TEX36: variants seen among roughly 807,000 people sequenced by gnomAD.
TEX36 encodes testis expressed 36.
In TEX36, 12 loss-of-function variants were observed where a neutral mutation model predicts 13.6. That is an observed-to-expected ratio of 0.88 (90% CI 0.56 to 1.43). The LOEUF is 1.43. TEX36 is among the 40% of genes most tolerant of loss of function. TEX36 has a pLI of 0.00. For synonymous variants in TEX36, 93 were observed against 83.0 expected (o/e 1.12, Z -0.65); for missense variants, 224 against 228.3 (o/e 0.98, Z 0.12).
chr10:125,604,496 T>C (rs1312260022), intron 3 of TEX36, among the ~76,000 whole-genome samples: 1 of 150,292 alleles, frequency 6.7e-6, no homozygotes, highest in Admixed American at 6.6e-5. Flanking sequence ...GGCAACATCA[T>C]GAGACCCCTG....
chr10:125,591,056 G>A (rs1846016128), intron 3 of TEX36, among the ~76,000 whole-genome samples: 1 of 152,202 alleles, frequency 6.6e-6, no homozygotes, highest in Non-Finnish European at 1.5e-5. Flanking sequence ...GCACAGCCCA[G>A]TGATGAGGGT....
chr10:125,607,530 T>A (rs1846228965), intron 3 of TEX36, among the ~76,000 whole-genome samples: 1 of 152,156 alleles, frequency 6.6e-6, no homozygotes, highest in South Asian at 2.1e-4. Flanking sequence ...TGAGCAATGA[T>A]CCCAAGAGAA....
intron 3 of TEX36, chr10:125,576,988 AC>A: frequency 7.4e-7 from 1 of 1,360,324 alleles, no homozygotes; most frequent in Non-Finnish European, 1.0e-6. Context: ...CTTTAAAAAC[AC>A]CCCAGAGAAG....
At chr10:125,601,528 C>T (rs528621163) in intron 3 of TEX36, among the ~76,000 whole-genome samples, 2 of 152,362 alleles carry the variant, frequency 1.3e-5, no homozygotes, top group South Asian at 4.1e-4. Flanking sequence ...TAGACATTAG[C>T]TGTAGCATGT....
At position 125,595,537 on chromosome 10, in the gene TEX36, T is replaced by C. The variant is rs551665381; in HGVS notation, c.265-18663A>G. Among the ~76,000 whole-genome samples, 138 of 152,282 alleles carry C rather than the reference T, an allele frequency of 9.1e-4. 1 individual carries two copies. Among genetic ancestry groups the C allele is most frequent in the Middle Eastern group, 6.8e-3 (2 of 294 alleles). Reference sequence around the variant, plus strand: ...CATCACCGACCTGCTCAGTAGCCCCTCCTGCTCAATATGTGCTGCCTTCCC... The same window carrying C: ...CATCACCGACCTGCTCAGTAGCCCCCCCTGCTCAATATGTGCTGCCTTCCC... On this transcript the variant is annotated intron_variant, in intron 3 of 3. Coordinates refer to the TEX36 transcript ENST00000532135.
At chr10:125,667,931 G>T in intron 1 of TEX36, 2 of 1,171,972 alleles carry the variant, frequency 1.7e-6, no homozygotes, top group Non-Finnish European at 2.6e-6. Context: ...CAGGGTCAAT[G>T]CTGGATATCG....
In TEX36 at chr10:125,661,920, T is replaced by C. The variant is rs1333737638; in HGVS notation, c.109A>G (p.Lys37Glu). 6.4e-7 allele frequency: 1 copy of C among 1,552,342 alleles called. No homozygotes were observed. The highest frequency in any genetic ancestry group is 2.0e-5 in the Admixed American group (1 of 51,014). The change falls in exon 2 of 4, where the codon AAA (lysine) becomes GAA (glutamate). Residue 37 changes from lysine (K) to glutamate (E), a missense_variant. Transcript: ENST00000368821. ...GGCAAGTGTGGACTCTGGGGCTCTT[T>C]TGACGTAGCACTGGTGATGGATTCT... ...TPESITSATS[K>E]EPQSPHLPRQ... is the part of the protein sequence containing the mutation.
At chr10:125,602,956 C>T (rs2274530) in intron 3 of TEX36, among the ~76,000 whole-genome samples, 6 of 152,116 alleles carry the variant, frequency 3.9e-5, no homozygotes, top group Non-Finnish European at 1.5e-5. Context: ...TGTGGCTTGC[C>T]GTTCCAGTTC....
At chr10:125,663,558 C>T (rs1431705935) in intron 1 of TEX36, among the ~76,000 whole-genome samples, 4 of 152,122 alleles carry the variant, frequency 2.6e-5, no homozygotes, top group African/African-American at 9.7e-5. Context: ...TCGCCAACAT[C>T]TGTTATTTTT....
chr10:125,660,985 C>T, intron 3 of TEX36, 36 bp downstream of exon 3: 2 of 1,509,578 alleles, frequency 1.3e-6, no homozygotes, highest in Non-Finnish European at 1.8e-6. Context: ...TTGTGTTGTT[C>T]CCTGTTTTAT....
chr10:125,605,909 T>C (rs1263108577), intron 3 of TEX36, among the ~76,000 whole-genome samples: 2 of 152,234 alleles, frequency 1.3e-5, no homozygotes, highest in South Asian at 2.1e-4. Flanking sequence ...GCCAGATCTA[T>C]CTATTTTTAG....
intron 3 of TEX36, among the ~76,000 whole-genome samples, chr10:125,637,343 CT>C (rs1846634719): frequency 6.6e-6 from 1 of 151,780 alleles, no homozygotes; most frequent in Non-Finnish European, 1.5e-5. Context: ...TGCAGTGTGT[CT>C]TCTTATGTGT....
rs1437797376 is a variant in TEX36 at position 125,576,564 on chromosome 10, C to A, written c.*185G>T. 35 of 809,700 alleles carry A rather than the reference C, an allele frequency of 4.3e-5. 1 individual carries two copies. In the East Asian group the frequency reaches 9.6e-4, roughly 22 times the overall value. The allele number at this position is 809,700 out of a possible 1,614,324, so 50.2% of individuals were successfully genotyped here. On this transcript the variant is annotated 3_prime_UTR_variant, in exon 4 of 4. Transcript: ENST00000532135. Reference sequence around the variant, plus strand: ...ATAGCCCTATTAATACCTGCGCCCACACAGGCAAGCAGAATAAGAGGATTT... The same window carrying A: ...ATAGCCCTATTAATACCTGCGCCCAAACAGGCAAGCAGAATAAGAGGATTT...
chr10:125,636,672 G>A (rs1187168059), intron 3 of TEX36, among the ~76,000 whole-genome samples: 3 of 152,048 alleles, frequency 2.0e-5, no homozygotes, highest in Admixed American at 1.3e-4. Context: ...ACCCACCATC[G>A]TATCAGTGGC....
rs536087530 is a variant in TEX36 at position 125,586,334 on chromosome 10, C to A, written c.265-9460G>T. On this transcript the variant is annotated intron_variant, in intron 3 of 3. Coordinates refer to the TEX36 transcript ENST00000532135. ...TCATTGGGTCAAAGGTAATGAACAA[C>A]CTAGATAGACACTATTATGTATCTT... 1.6e-4 allele frequency among the ~76,000 whole-genome samples: 25 copies of A among 152,186 alleles called. No homozygotes were observed. The South Asian group carries it at 5.2e-3, about 32-fold the overall frequency.
intron 3 of TEX36, among the ~76,000 whole-genome samples, chr10:125,577,857 T>C (rs1845843617): frequency 6.6e-6 from 1 of 152,070 alleles, no homozygotes; most frequent in African/African-American, 2.4e-5. Flanking sequence ...CTGGAAGGAG[T>C]ACTGACTTTT....
At chr10:125,646,040 G>T (rs1846762599) in intron 3 of TEX36, among the ~76,000 whole-genome samples, 1 of 152,158 alleles carries the variant, frequency 6.6e-6, no homozygotes, top group African/African-American at 2.4e-5. Flanking sequence ...AATTAAGAAA[G>T]AAAACAGACC....
chr10:125,615,470 T>G (rs1265983757), intron 3 of TEX36, among the ~76,000 whole-genome samples: 2 of 152,240 alleles, frequency 1.3e-5, no homozygotes, highest in African/African-American at 4.8e-5. Flanking sequence ...AATACCTAAT[T>G]TATTGAGAGT....
At chr10:125,641,708 A>G (rs1846694300) in intron 3 of TEX36, among the ~76,000 whole-genome samples, 1 of 152,260 alleles carries the variant, frequency 6.6e-6, no homozygotes, top group Admixed American at 6.5e-5. Context: ...AGAACAATAC[A>G]TTAAAACAAG....
Sources: gnomAD v4.1 joint callset for allele counts (sites outside exome capture counted in the v4.1 genomes callset) on GRCh38, gnomAD v4.1.1 for gene constraint, MANE v1.5 for transcripts, NCBI Gene and HGNC (gene_info 2026-07-23, HGNC 2026-07-21) for gene names.